PLEKHG4B: variants seen among roughly 807,000 people sequenced by gnomAD.
PLEKHG4B encodes pleckstrin homology and RhoGEF domain containing G4B.
In PLEKHG4B, 111 loss-of-function variants were observed where a neutral mutation model predicts 121.3. The observed-to-expected ratio is 0.92, with a 90% CI of 0.78 to 1.07. The LOEUF is 1.07. Ranked by LOEUF, PLEKHG4B falls within the 50% of genes least tolerant of loss-of-function variation. PLEKHG4B has a pLI of 0.00. For missense variants in PLEKHG4B, 1,831 were observed against 1,757.8 expected, an observed-to-expected ratio of 1.04 and a Z score of -0.74; for synonymous variants, 738 against 725.0, an observed-to-expected ratio of 1.02 and a Z score of -0.29.
intron 1 of PLEKHG4B, among the ~76,000 whole-genome samples, chr5:98,837 C>CTTTTTTTTTTTT (rs925964165): frequency 1.3e-5 from 1 of 79,296 alleles, no homozygotes. Flanking sequence ...TTGAATTTTC[C>CTTTTTTTTTTTT]TTTTTTTTTT....
chr5:109,311 C>A (rs1734066418), intron 1 of PLEKHG4B, among the ~76,000 whole-genome samples: 1 of 149,206 alleles, frequency 6.7e-6, no homozygotes, highest in Non-Finnish European at 1.5e-5. Flanking sequence ...AGAGGAGAAT[C>A]ACTTGAACCC....
intron 1 of PLEKHG4B, among the ~76,000 whole-genome samples, chr5:105,652 G>C (rs141454781): frequency 0.022 from 3,310 of 152,324 alleles, 68 homozygotes; most frequent in Non-Finnish European, 0.032. Flanking sequence ...GTTTATTCTG[G>C]TTTCATTCAG....
chr5:111,550 G>T (rs1734158004), intron 1 of PLEKHG4B, among the ~76,000 whole-genome samples: 1 of 152,210 alleles, frequency 6.6e-6, no homozygotes, highest in African/African-American at 2.4e-5. Context: ...CTTGAGGGTG[G>T]GGGAGGAATG....
intron 1 of PLEKHG4B, among the ~76,000 whole-genome samples, chr5:107,238 C>T (rs1436704474): frequency 1.3e-5 from 2 of 152,232 alleles, no homozygotes; most frequent in African/African-American, 4.8e-5. Flanking sequence ...GCCCCTGGGG[C>T]TCACTGGACA....
At chr5:106,309 C>G (rs1733972253) in intron 1 of PLEKHG4B, among the ~76,000 whole-genome samples, 1 of 152,156 alleles carries the variant, frequency 6.6e-6, no homozygotes, top group African/African-American at 2.4e-5. Context: ...GGCATCTGGG[C>G]AGGTTGGAGT....
intron 11 of PLEKHG4B, among the ~76,000 whole-genome samples, chr5:158,072 A>T (rs1403616502): frequency 1.3e-5 from 2 of 152,148 alleles, no homozygotes; most frequent in Non-Finnish European, 2.9e-5. Context: ...ACACCAGGCA[A>T]GTGGAGTCCA....
At chr5:102,387 A>G (rs916231432) in intron 1 of PLEKHG4B, among the ~76,000 whole-genome samples, 2 of 152,198 alleles carry the variant, frequency 1.3e-5, no homozygotes, top group African/African-American at 4.8e-5. Flanking sequence ...TATAAATAGA[A>G]TGATGTCTTT....
chr5:125,235 A>G lies in PLEKHG4B; in HGVS notation c.243+11787A>G, dbSNP rs564871916. ...CCTGTCATTTGTCCATTTGTTTTCT[A>G]TGTATGTGCTGTATAGCTTTTTTGT... On this transcript the variant is annotated intron_variant, in intron 2 of 19. Transcript: ENST00000637938. Among the ~76,000 whole-genome samples the G allele has an allele frequency of 1.0e-3, 152 of 152,248 alleles. 1 individual carries two copies. Among genetic ancestry groups the G allele is most frequent in the African/African-American group, 3.3e-3 (137 of 41,538 alleles).
rs778030834 is a variant in PLEKHG4B at position 143,169 on chromosome 5, G to A, written c.1600G>A (p.Gly534Ser). The A allele has an allele frequency of 2.7e-5, 44 of 1,612,002 alleles. No homozygotes were observed. In the Admixed American group the frequency reaches 4.3e-4, roughly 16 times the overall value. Reference protein sequence around the residue: ...PHPEQEGWPPGTGDFPSQVPK... With the variant: ...PHPEQEGWPPSTGDFPSQVPK... ...CCCCGAGCAAGAAGGGTGGCCACCC[G>A]GCACAGGAGACTTCCCCAGCCAGGT... Residue 534 changes from glycine to serine, a missense_variant, in exon 4 of 20, where the codon GGC (glycine) becomes AGC (serine). Gly to Ser is a moderately conservative substitution (Grantham distance 56). Coordinates refer to ENST00000637938, the MANE Select transcript of PLEKHG4B (RefSeq NM_052909.5).
rs770724546 is a variant in PLEKHG4B, at chr5:163,330, C to A, written c.3258C>A (p.Phe1086Leu). 1.2e-6 allele frequency: 2 copies of A among 1,613,410 alleles called. No individual in the cohort carries two copies. The highest frequency in any genetic ancestry group is 1.7e-5 in the Admixed American group (1 of 60,026). Reference protein sequence around the residue: ...QKKMIKKTQSFEIPQPDSGPR... With the variant: ...QKKMIKKTQSLEIPQPDSGPR... ...AAATGATAAAGAAAACGCAAAGTTT[C>A]GAGATACCTCAGCCCGACAGTGGCC... The change falls in exon 13 of 20, where the codon TTC becomes TTA. Residue 1086 changes from phenylalanine (F) to leucine (L), a missense_variant. By Grantham distance (22) the Phe-to-Leu change is conservative. Transcript: ENST00000637938.
chr5:165,061 AGCTCACACTAATGCTCTGACGGGGCGGG>A (rs1736258878), intron 13 of PLEKHG4B, among the ~76,000 whole-genome samples: 3 of 71,752 alleles, frequency 4.2e-5, no homozygotes, highest in African/African-American at 1.1e-4. Context: ...GACGGGGCGG[AGCTCACACTAATGCTCTGACGGGGCGGG>A]GCTCACACTA....
intron 16 of PLEKHG4B, 148 bp from the exon 17 acceptor site, chr5:172,749 C>T: frequency 1.2e-6 from 1 of 815,386 alleles, no homozygotes; most frequent in East Asian, 2.5e-5. Context: ...TAACAGCTAA[C>T]ATTAAGGCGG....
intron 13 of PLEKHG4B, among the ~76,000 whole-genome samples, chr5:166,531 C>T (rs182995169): frequency 0.013 from 1,433 of 110,344 alleles, 120 homozygotes; most frequent in Non-Finnish European, 0.017. Context: ...CACACTAATG[C>T]TCTGACGGGG....
chr5:151,600 G>T lies in PLEKHG4B; in HGVS notation c.1992+1G>T. The T allele has an allele frequency of 6.4e-7, 1 of 1,568,818 alleles. No individual in the cohort carries two copies. ...GCCTGACAAGGATGCAATAATTCAG[G>T]TAATGGTTTAGACTGTGGGATCCTG... On this transcript the variant is annotated splice_donor_variant, in intron 7 of 19. Coordinates refer to ENST00000637938, the MANE Select transcript of PLEKHG4B (RefSeq NM_052909.5). LOFTEE classifies it high-confidence loss of function.
Position 103,996 on chromosome 5 carries a change from C to T in PLEKHG4B, c.46-9255C>T, listed in dbSNP as rs747036784. On this transcript the variant is annotated intron_variant, in intron 1 of 19. Transcript: ENST00000637938. ...GTGCCTGGCTTATTTCACCAAACCA[C>T]AGCCCAGTCCCAGCACCGATATTCC... 8.5e-5 allele frequency among the ~76,000 whole-genome samples: 13 copies of T among 152,186 alleles called. 1 individual carries two copies. The highest frequency in any genetic ancestry group is 1.9e-4 in the Non-Finnish European group (13 of 68,028).
chr5:131,445 C>CT (rs1189881155), intron 2 of PLEKHG4B, among the ~76,000 whole-genome samples: 7 of 151,052 alleles, frequency 4.6e-5, no homozygotes, highest in Admixed American at 1.3e-4. Flanking sequence ...TGAACTCATG[C>CT]TTTTTTTTTA....
chr5:125,703 T>C (rs1418452268), intron 2 of PLEKHG4B, among the ~76,000 whole-genome samples: 1 of 152,218 alleles, frequency 6.6e-6, no homozygotes, highest in East Asian at 1.9e-4. Flanking sequence ...TATTGAAATC[T>C]TTATTTCTTC....
intron 13 of PLEKHG4B, 92 bp from the exon 14 acceptor site, chr5:169,248 G>A (rs780263313): frequency 1.7e-5 from 26 of 1,536,888 alleles, no homozygotes; most frequent in Non-Finnish European, 2.2e-5. Flanking sequence ...CATCCCTCCG[G>A]GTTTTCATGT....
intron 2 of PLEKHG4B, among the ~76,000 whole-genome samples, chr5:135,685 A>ATG (rs1734956976): frequency 3.2e-5 from 1 of 31,080 alleles, no homozygotes; most frequent in Admixed American, 3.1e-4. Context: ...AAAAAAAAAT[A>ATG]TATATATATA....
Sources: gnomAD v4.1 joint callset for allele counts (sites outside exome capture counted in the v4.1 genomes callset) on GRCh38, gnomAD v4.1.1 for gene constraint, MANE v1.5 for transcripts, NCBI Gene and HGNC (gene_info 2026-07-23, HGNC 2026-07-21) for gene names.